COL20A1: variants seen among roughly 807,000 people sequenced by gnomAD.
COL20A1 encodes collagen alpha-1(XX) chain.
In COL20A1, 164 loss-of-function variants were observed where a neutral mutation model predicts 152.9. That is an observed-to-expected ratio of 1.07 (90% CI 0.94 to 1.22). The LOEUF (loss-of-function observed/expected upper bound fraction) is 1.22. Ranked by LOEUF, COL20A1 falls within the 50% of genes most tolerant of loss-of-function variation. The probability of loss-of-function intolerance (pLI) is 0.00; values close to 1 mark genes in which losing one functional copy is unlikely to be tolerated. For synonymous variants in COL20A1, 864 were observed against 756.0 expected (o/e 1.14, Z -2.34); for missense variants, 1,873 against 1,744.8 (o/e 1.07, Z -1.31).
At chr20:63,321,930 TG>T in intron 26 of COL20A1, 127 bp from the exon 27 acceptor site, 1 of 644,562 alleles carries the variant, frequency 1.6e-6, no homozygotes, top group Non-Finnish European at 2.5e-6. Flanking sequence ...TTGACAGCAG[TG>T]GACAGTCTGG....
intron 15 of COL20A1, 113 bp downstream of exon 15, chr20:63,312,662 C>T: frequency 1.4e-6 from 2 of 1,470,056 alleles, no homozygotes; most frequent in Non-Finnish European, 1.8e-6. Flanking sequence ...AGTGCTGAGC[C>T]AGGTGGGGAT....
intron 27 of COL20A1, among the ~76,000 whole-genome samples, chr20:63,322,499 G>A (rs1432841241): frequency 6.6e-6 from 1 of 152,202 alleles, no homozygotes; most frequent in Non-Finnish European, 1.5e-5. Context: ...TCTGTGTGCC[G>A]GGCTGGGCCC....
At chr20:63,329,980 G>T (rs1342392632) in intron 35 of COL20A1, among the ~76,000 whole-genome samples, 2 of 152,160 alleles carry the variant, frequency 1.3e-5, no homozygotes, top group East Asian at 1.9e-4. Context: ...GGCGGAGGAG[G>T]CCCTGACCAG....
chr20:63,297,427 TTAGCTCAGGGGACCC>T (rs1240344600), intron 2 of COL20A1, among the ~76,000 whole-genome samples: 8 of 148,574 alleles, frequency 5.4e-5, no homozygotes, highest in Admixed American at 2.7e-4. Flanking sequence ...CCCAGGGGAC[TTAGCTCAGGGGACCC>T]AGCCCGGGGA....
At chr20:63,330,468 AG>A (rs1270741248) in intron 35 of COL20A1, among the ~76,000 whole-genome samples, 1 of 152,134 alleles carries the variant, frequency 6.6e-6, no homozygotes, top group Non-Finnish European at 1.5e-5. Context: ...GTCAGAGCCC[AG>A]GGCTAAGAAC....
rs1372863201 is a variant in COL20A1, at chr20:63,331,487, A to C, written c.*771A>C. 6.6e-6 allele frequency: 1 copy of C among 152,360 alleles called. No homozygotes were observed. Among genetic ancestry groups the C allele is most frequent in the Non-Finnish European group, 1.5e-5 (1 of 68,128 alleles). 9.4% of individuals were successfully genotyped at this position (152,360 alleles called of 1,614,324 possible). On this transcript the variant is annotated 3_prime_UTR_variant, in exon 36 of 36. Transcript: ENST00000358894. ...GGGTCTCAGAGCAAGGTCATCCCTCAGCAGGCTTCTGGCCTGTGCGCTCCT... is the reference window on the plus strand; with the variant it reads ...GGGTCTCAGAGCAAGGTCATCCCTCCGCAGGCTTCTGGCCTGTGCGCTCCT...
At chr20:63,294,813 G>T (rs1415835206) in intron 1 of COL20A1, among the ~76,000 whole-genome samples, 3 of 152,250 alleles carry the variant, frequency 2.0e-5, no homozygotes, top group African/African-American at 7.2e-5. Context: ...GGGGCTGGGG[G>T]TCCTGTTGTC....
In COL20A1 at chr20:63,311,091, G is replaced by A. The variant is rs956406744; in HGVS notation, c.1394-303G>A. ...CTGTCCCAGACGTTTCCTGCAGGTG[G>A]AATCACACAGTGCAGACTTTTGTGT... On this transcript the variant is annotated intron_variant, in intron 11 of 35. Transcript: ENST00000358894. The surrounding 1 kb of genome is among the most constrained non-coding windows in gnomAD (Gnocchi z 4.4). Among the ~76,000 whole-genome samples the A allele has an allele frequency of 1.3e-5, 2 of 151,988 alleles. No individual in the cohort carries two copies. The highest frequency in any genetic ancestry group is 2.4e-5 in the African/African-American group (1 of 41,360).
chr20:63,329,775 C>A, intron 35 of COL20A1, 114 bp downstream of exon 35: 1 of 731,546 alleles, frequency 1.4e-6, no homozygotes, highest in Non-Finnish European at 2.2e-6. Flanking sequence ...GTGCTGGGAG[C>A]ACAAGGCCCA....
At chr20:63,318,967 C>T in intron 21 of COL20A1, 91 bp from the exon 22 acceptor site, 3 of 1,013,046 alleles carry the variant, frequency 3.0e-6, no homozygotes, top group South Asian at 2.8e-5. Context: ...GGGACTGGCA[C>T]TGGGGCTGGG....
intron 26 of COL20A1, 55 bp downstream of exon 26, chr20:63,321,154 C>A: frequency 8.2e-7 from 1 of 1,213,542 alleles, no homozygotes; most frequent in Non-Finnish European, 1.2e-6. Context: ...CAATGTATTG[C>A]TGCCACTGGT....
chr20:63,332,514 A>T lies in COL20A1; in HGVS notation c.*1798A>T, dbSNP rs1326305657. 4 of 152,276 alleles carry T rather than the reference A, an allele frequency of 2.6e-5. No individual in the cohort carries two copies. Among genetic ancestry groups the T allele is most frequent in the African/African-American group, 9.6e-5 (4 of 41,458 alleles). The allele number at this position is 152,276 out of a possible 1,614,324, so 9.4% of individuals were successfully genotyped here. A position where few individuals can be genotyped will look rare whatever the true frequency, so the allele number is the denominator to read the frequency against. ...GGCTAGAATCAAGCCCAGAGCCCAC[A>T]GGGCATCCAGAGCCTTCCAAAGGAG... On this transcript the variant is annotated 3_prime_UTR_variant, in exon 36 of 36. Transcript: ENST00000358894.
At chr20:63,302,502 G>A (rs1006093239) in intron 3 of COL20A1, among the ~76,000 whole-genome samples, 4 of 152,154 alleles carry the variant, frequency 2.6e-5, no homozygotes, top group Admixed American at 2.0e-4. Flanking sequence ...TGTACTTTTA[G>A]TAGAGACGGG....
Position 63,319,959 on chromosome 20 carries a change from CA to C in COL20A1, c.2917-79del, listed in dbSNP as rs1009856874. ...GGTCCCAGGGATGGGTGTTACTCCC[CA>C]GCCCTGGCCTGGCCTTGGGGGCTCA... On this transcript the variant is annotated intron_variant, in intron 23 of 35. Coordinates refer to ENST00000358894, the MANE Select transcript of COL20A1 (RefSeq NM_020882.4). This position sits in a 1 kb window ranked among gnomAD's most constrained non-coding sequence, Gnocchi z 4.4. The C allele has an allele frequency of 7.6e-7, 1 of 1,319,274 alleles. No individual in the cohort carries two copies. Among genetic ancestry groups the C allele is most frequent in the African/African-American group, 2.1e-5 (1 of 48,052 alleles). 81.7% of individuals were successfully genotyped at this position (1,319,274 alleles called of 1,614,324 possible).
chr20:63,301,447 AT>A (rs1243656226), intron 3 of COL20A1, among the ~76,000 whole-genome samples: 4 of 152,144 alleles, frequency 2.6e-5, no homozygotes, highest in African/African-American at 9.7e-5. Context: ...CATTTACCTT[AT>A]TTTTCAGATT....
chr20:63,302,521 G>C (rs1451133015), intron 3 of COL20A1, among the ~76,000 whole-genome samples: 4 of 152,090 alleles, frequency 2.6e-5, no homozygotes, highest in Admixed American at 2.6e-4. Flanking sequence ...GGGTTTCACT[G>C]TGTTGGCCAG....
intron 27 of COL20A1, chr20:63,324,285 C>G (rs562134174): frequency 6.6e-6 from 1 of 152,360 alleles, no homozygotes; most frequent in South Asian, 2.1e-4. Context: ...TCACCTTCGG[C>G]TTTTCAGTCT....
chr20:63,325,039 G>A (rs531475550), intron 27 of COL20A1: 8 of 331,570 alleles, frequency 2.4e-5, no homozygotes, highest in South Asian at 1.8e-4. Flanking sequence ...CACAGGCTTG[G>A]CTCTGCCATT....
Position 63,313,779 on chromosome 20 carries a change from T to C in COL20A1, c.2246T>C (p.Leu749Pro), listed in dbSNP as rs1874964272. Reference sequence around the variant, plus strand: ...AGGAGCCCACCCTCCAACCTGGCCCTGGCCTCGGAGACCCCCGACAGCCTG... The same window carrying C: ...AGGAGCCCACCCTCCAACCTGGCCCCGGCCTCGGAGACCCCCGACAGCCTG... ...VSRSPPSNLALASETPDSLQV... is the reference protein window; with the variant it reads ...VSRSPPSNLAPASETPDSLQV... Residue 749 changes from leucine to proline, a missense_variant, in exon 18 of 36, where the codon CTG (leucine) becomes CCG (proline). Coordinates refer to ENST00000358894, the MANE Select transcript of COL20A1 (RefSeq NM_020882.4). This position sits in a 1 kb window ranked among gnomAD's most constrained non-coding sequence, Gnocchi z 5.9. 1 of 1,608,650 alleles carries C rather than the reference T, an allele frequency of 6.2e-7. No homozygotes were observed. The highest frequency in any genetic ancestry group is 1.7e-5 in the Admixed American group (1 of 59,420).
Sources: allele counts gnomAD v4.1 joint callset (sites outside exome capture counted in the v4.1 genomes callset), GRCh38; gene constraint gnomAD v4.1.1; non-coding constraint Gnocchi (gnomAD v3.1); transcripts MANE v1.5; gene names NCBI Gene and HGNC (gene_info 2026-07-23, HGNC 2026-07-21).